The following ALK variants were observed in gnomAD, a reference collection of about 807,000 sequenced individuals.
The protein encoded by ALK is ALK tyrosine kinase receptor.
A neutral mutation model predicts 163.1 loss-of-function variants in ALK; 74 were observed. The observed-to-expected ratio is 0.45, with a 90% confidence interval of 0.38 to 0.55. The LOEUF is 0.55. ALK is among the 20% of genes least tolerant of loss of function. The pLI is 0.00. For synonymous variants in ALK, 960 were observed against 843.2 expected (o/e 1.14, Z -2.40); for missense variants, 2,063 against 2,105.3 (o/e 0.98, Z 0.39).
At chr2:29,607,646 T>C (rs1346232551) in intron 3 of ALK, among the ~76,000 whole-genome samples, 1 of 152,152 alleles carries the variant, frequency 6.6e-6, no homozygotes, top group African/African-American at 2.4e-5. Context: ...ACCTTCCTCT[T>C]CCAAGCATCT....
At chr2:29,771,865 AC>A (rs1681037877) in intron 1 of ALK, among the ~76,000 whole-genome samples, 1 of 152,188 alleles carries the variant, frequency 6.6e-6, no homozygotes, top group African/African-American at 2.4e-5. Flanking sequence ...CAGAGAAACT[AC>A]CAAATATGAA....
intron 5 of ALK, among the ~76,000 whole-genome samples, chr2:29,361,753 C>A (rs957582618): frequency 2.0e-5 from 3 of 152,198 alleles, no homozygotes; most frequent in African/African-American, 7.2e-5. Context: ...ACCCTCAAAA[C>A]TGGTTGGCCA....
At chr2:29,773,501 G>GT (rs1188063203) in intron 1 of ALK, among the ~76,000 whole-genome samples, 1 of 152,174 alleles carries the variant, frequency 6.6e-6, no homozygotes, top group Non-Finnish European at 1.5e-5. Context: ...ACTGACTTCA[G>GT]TTTTGGTGAG....
chr2:29,218,420 C>T (rs1468192856), intron 23 of ALK, among the ~76,000 whole-genome samples: 6 of 152,164 alleles, frequency 3.9e-5, no homozygotes, highest in Admixed American at 1.3e-4. Flanking sequence ...TCTGACTCTC[C>T]GAGGGTGGCA....
chr2:29,726,766 G>A (rs1679588132), intron 1 of ALK, among the ~76,000 whole-genome samples: 1 of 152,194 alleles, frequency 6.6e-6, no homozygotes, highest in Non-Finnish European at 1.5e-5. Flanking sequence ...AGGGCTCCCT[G>A]ATGCCTTTCA....
At chr2:29,216,658 G>A (rs1669616095) in intron 23 of ALK, among the ~76,000 whole-genome samples, 2 of 118,276 alleles carry the variant, frequency 1.7e-5, no homozygotes, top group African/African-American at 2.9e-5. Context: ...CGTATGGTGT[G>A]TGTGTTTTGT....
intron 9 of ALK, chr2:29,286,903 G>A (rs1275798673): frequency 6.6e-6 from 1 of 151,428 alleles, no homozygotes; most frequent in Non-Finnish European, 1.5e-5. Context: ...TATATTCCTT[G>A]ACTTAGTCTG....
chr2:29,510,678 G>T (rs1345823674), intron 4 of ALK, among the ~76,000 whole-genome samples: 1 of 152,228 alleles, frequency 6.6e-6, no homozygotes, highest in Non-Finnish European at 1.5e-5. Flanking sequence ...TGCAAACAAA[G>T]AGAGTATTGG....
At chr2:29,399,010 C>A (rs1173213973) in intron 4 of ALK, among the ~76,000 whole-genome samples, 3 of 152,240 alleles carry the variant, frequency 2.0e-5, no homozygotes, top group Non-Finnish European at 2.9e-5. Context: ...CTGTGGTCTG[C>A]AAGAGTCTCT....
intron 1 of ALK, among the ~76,000 whole-genome samples, chr2:29,755,332 T>C (rs1402964646): frequency 6.6e-6 from 1 of 152,222 alleles, no homozygotes; most frequent in African/African-American, 2.4e-5. Flanking sequence ...CAGGAAGCTC[T>C]AGAGTGTCAA....
intron 4 of ALK, among the ~76,000 whole-genome samples, chr2:29,475,093 C>T (rs1487471281): frequency 6.6e-6 from 1 of 152,192 alleles, no homozygotes; most frequent in Non-Finnish European, 1.5e-5. Flanking sequence ...CTATGAGTCT[C>T]TGAGCCCTTC....
chr2:29,792,828 T>C (rs1664220518), intron 1 of ALK, among the ~76,000 whole-genome samples: 1 of 152,188 alleles, frequency 6.6e-6, no homozygotes. Flanking sequence ...TTAAAAATAC[T>C]TTATTGCTAA....
intron 1 of ALK, among the ~76,000 whole-genome samples, chr2:29,911,822 T>TC (rs1175759418): frequency 6.6e-6 from 1 of 152,144 alleles, no homozygotes; most frequent in Non-Finnish European, 1.5e-5. Context: ...AATAATAAGA[T>TC]CATCCAGATG....
chr2:29,658,667 G>A lies in ALK; in HGVS notation c.952+36183C>T, dbSNP rs570329816. ...CATGATTTCTAAAGATGTGTAATAT[G>A]CAAGTGTGACGAGTGCCATTTTATT... On this transcript the variant is annotated intron_variant, in intron 3 of 28. Coordinates refer to ENST00000389048, the MANE Select transcript of ALK (RefSeq NM_004304.5). Among the ~76,000 whole-genome samples the A allele has an allele frequency of 2.6e-5, 4 of 152,298 alleles. No homozygotes were observed. In the East Asian group the frequency reaches 7.7e-4, roughly 29 times the overall value.
At chr2:29,388,594 G>A (rs1162561346) in intron 4 of ALK, among the ~76,000 whole-genome samples, 1 of 152,182 alleles carries the variant, frequency 6.6e-6, no homozygotes, top group East Asian at 1.9e-4. Context: ...TGCCTAACTT[G>A]CTGGATTGTT....
chr2:29,554,815 C>T (rs1325696053), intron 3 of ALK, among the ~76,000 whole-genome samples: 1 of 152,136 alleles, frequency 6.6e-6, no homozygotes, highest in Non-Finnish European at 1.5e-5. Flanking sequence ...AAAGACCTTG[C>T]TGATAAAACA....
intron 3 of ALK, among the ~76,000 whole-genome samples, chr2:29,548,196 G>A (rs1234774247): frequency 2.0e-5 from 3 of 152,146 alleles, no homozygotes; most frequent in African/African-American, 4.8e-5. Context: ...AGTCACAGCC[G>A]AGCGCGGTGG....
intron 1 of ALK, among the ~76,000 whole-genome samples, chr2:29,800,637 A>G (rs1187968823): frequency 6.6e-6 from 1 of 152,172 alleles, no homozygotes; most frequent in Non-Finnish European, 1.5e-5. Flanking sequence ...GAGGTTGCTG[A>G]GAAGGACCAG....
intron 5 of ALK, among the ~76,000 whole-genome samples, chr2:29,371,585 T>A (rs1668638553): frequency 2.0e-5 from 3 of 152,250 alleles, no homozygotes; most frequent in Non-Finnish European, 4.4e-5. Context: ...AGATCAATTC[T>A]GTCCTTGGGG....
Sources: allele counts gnomAD v4.1 joint callset (sites outside exome capture counted in the v4.1 genomes callset), GRCh38; gene constraint gnomAD v4.1.1; transcripts MANE v1.5; gene names NCBI Gene and HGNC (gene_info 2026-07-23, HGNC 2026-07-21).